ABCC3: variants seen among roughly 807,000 people sequenced by gnomAD.
ABCC3 encodes ATP-binding cassette sub-family C member 3.
A neutral mutation model predicts 165.3 loss-of-function variants in ABCC3; 121 were observed. The ratio of observed to expected loss-of-function variants is 0.73; its 90% CI spans 0.63 to 0.85. The LOEUF is 0.85. Among genes scored for constraint, ABCC3 ranks in the 40% least tolerant of loss-of-function variants. The pLI is 0.00. For missense variants in ABCC3, 1,869 were observed against 1,964.1 expected (o/e 0.95, Z 0.92); for synonymous variants, 733 against 810.1 (o/e 0.90, Z 1.62).
At chr17:50,682,342 AT>A (rs1314952245) in intron 26 of ABCC3, among the ~76,000 whole-genome samples, 6 of 76,052 alleles carry the variant, frequency 7.9e-5, no homozygotes, top group Admixed American at 2.5e-4. Context: ...CTGCCAAGAG[AT>A]TTAAAAAAAA....
intron 3 of ABCC3, 36 bp from the exon 4 acceptor site, chr17:50,657,010 G>A (rs376512321): frequency 1.1e-5 from 18 of 1,603,158 alleles, no homozygotes; most frequent in Non-Finnish European, 1.5e-5. Flanking sequence ...CCAGATGTGT[G>A]TGTTCTGCCC....
At chr17:50,649,559 G>A (rs1455126124) in intron 1 of ABCC3, among the ~76,000 whole-genome samples, 1 of 149,594 alleles carries the variant, frequency 6.7e-6, no homozygotes, top group Non-Finnish European at 1.5e-5. Flanking sequence ...TTTATACCTG[G>A]GTGACAGAGT....
chr17:50,678,261 C>T (rs1567837573), intron 25 of ABCC3, 42 bp downstream of exon 25: 3 of 1,509,160 alleles, frequency 2.0e-6, no homozygotes, highest in Non-Finnish European at 2.7e-6. Context: ...ACCACTGGGA[C>T]AGAAACCACA....
At chr17:50,648,355 C>G (rs562606064) in intron 1 of ABCC3, among the ~76,000 whole-genome samples, 1 of 152,110 alleles carries the variant, frequency 6.6e-6, no homozygotes, top group African/African-American at 2.4e-5. Context: ...CTGAAAGCAG[C>G]GGCTGCTAGG....
intron 29 of ABCC3, 149 bp from the exon 30 acceptor site, chr17:50,687,387 C>T (rs560924468): frequency 5.4e-5 from 39 of 719,198 alleles, no homozygotes; most frequent in Admixed American, 1.4e-4. Context: ...ACCTCTGCTC[C>T]GTTCTGGAGG....
At chr17:50,672,859 C>A (rs1967676901) in intron 17 of ABCC3, 112 bp from the exon 18 acceptor site, 4 of 937,548 alleles carry the variant, frequency 4.3e-6, no homozygotes, top group East Asian at 2.6e-5. Context: ...GTGAGTGAGA[C>A]CCCATCTCAG....
intron 11 of ABCC3, 51 bp from the exon 12 acceptor site, chr17:50,667,503 A>C: frequency 6.7e-7 from 1 of 1,498,186 alleles, no homozygotes; most frequent in Non-Finnish European, 9.2e-7. Flanking sequence ...TGTGAGCAGG[A>C]GGTCAGGGGA....
rs766502605 is a variant in ABCC3 at position 50,659,232 on chromosome 17, C to A, written c.675-5C>A. On this transcript the variant is annotated splice_polypyrimidine_tract_variant and splice_region_variant and intron_variant, in intron 6 of 30. Transcript: ENST00000285238. ...GGCTGCCTGCCGGGCTTCACCTCCC[C>A]CCAGGATGGCCATCTATGGCTACCG... 6.2e-7 allele frequency: 1 copy of A among 1,613,476 alleles called. No individual in the cohort carries two copies. Among genetic ancestry groups the A allele is most frequent in the Admixed American group, 1.7e-5 (1 of 60,010 alleles).
chr17:50,674,856 A>C (rs572235423), intron 19 of ABCC3, among the ~76,000 whole-genome samples: 1 of 150,118 alleles, frequency 6.7e-6, no homozygotes, highest in Non-Finnish European at 1.5e-5. Context: ...CTGGAGTGCA[A>C]CGGTGCGATC....
intron 1 of ABCC3, chr17:50,635,799 C>T (rs2054174231): frequency 1.7e-6 from 1 of 578,670 alleles, no homozygotes; most frequent in South Asian, 2.1e-5. Flanking sequence ...GGGAGGATCA[C>T]TTCAGCCCAG....
chr17:50,644,862 C>CA (rs1192181756), intron 1 of ABCC3, among the ~76,000 whole-genome samples: 1 of 152,034 alleles, frequency 6.6e-6, no homozygotes, highest in Non-Finnish European at 1.5e-5. Context: ...ACTAAAAATA[C>CA]AAAAAATTAG....
At chr17:50,654,486 G>T (rs185330608) in intron 1 of ABCC3, among the ~76,000 whole-genome samples, 32 of 152,284 alleles carry the variant, frequency 2.1e-4, no homozygotes, top group African/African-American at 7.5e-4. Flanking sequence ...ATCCTGGTTT[G>T]CCCAAGACCA....
At chr17:50,663,489 C>T in intron 8 of ABCC3, 192 bp from the exon 9 acceptor site, 1 of 619,584 alleles carries the variant, frequency 1.6e-6, no homozygotes, top group Non-Finnish European at 2.8e-6. Context: ...GAGGTGAAGG[C>T]AGAGTGGAGC....
intron 26 of ABCC3, among the ~76,000 whole-genome samples, chr17:50,682,072 C>T (rs1177587161): frequency 3.9e-5 from 6 of 152,172 alleles, no homozygotes; most frequent in African/African-American, 1.4e-4. Context: ...GTGCCTGCTG[C>T]TCTGCTTTTT....
chr17:50,663,431 G>A (rs558890009), intron 8 of ABCC3: 3 of 526,618 alleles, frequency 5.7e-6, no homozygotes, highest in East Asian at 3.1e-5. Flanking sequence ...CTGGTGGTGA[G>A]AGCGTCATCG....
chr17:50,635,208 G>A, intron 1 of ABCC3: 1 of 621,726 alleles, frequency 1.6e-6, no homozygotes, highest in Non-Finnish European at 2.8e-6. Context: ...GCCCTTCCCG[G>A]CTGCAGCACT....
chr17:50,648,214 T>G (rs1266838972), intron 1 of ABCC3, among the ~76,000 whole-genome samples: 1 of 152,130 alleles, frequency 6.6e-6, no homozygotes, highest in African/African-American at 2.4e-5. Context: ...TATTAACACC[T>G]TTTTGGAAAG....
In ABCC3 at chr17:50,664,039, C is replaced by A; in HGVS notation, c.1266C>A (p.Asp422Glu). The change falls in exon 10 of 31, where the codon GAC (aspartate) becomes GAA (glutamate). Residue 422 changes from aspartate to glutamate, a missense_variant. Physicochemically the swap from Asp to Glu is conservative, Grantham distance 45. Transcript: ENST00000285238. ...LMSVDAQRFM[D>E]LAPFLNLLWS... ...CAGTGGATGCCCAGCGCTTCATGGA[C>A]CTTGCCCCCTTCCTCAATCTGCTGT... The A allele has an allele frequency of 6.2e-7, 1 of 1,614,186 alleles. No homozygotes were observed. Among genetic ancestry groups the A allele is most frequent in the Admixed American group, 1.7e-5 (1 of 60,020 alleles).
intron 1 of ABCC3, among the ~76,000 whole-genome samples, chr17:50,640,339 A>G (rs558589620): frequency 3.3e-4 from 51 of 152,318 alleles, no homozygotes; most frequent in Non-Finnish European, 2.9e-4. Context: ...CTCTGGGTCT[A>G]ATCCCAGCAT....
Sources: allele counts gnomAD v4.1 joint callset (sites outside exome capture counted in the v4.1 genomes callset), GRCh38; gene constraint gnomAD v4.1.1; transcripts MANE v1.5; gene names NCBI Gene and HGNC (gene_info 2026-07-23, HGNC 2026-07-21).